Variants in JHY observed in about 807,000 individuals in gnomAD.
JHY encodes junctional cadherin complex regulator.
A neutral mutation model predicts 78.0 loss-of-function variants in JHY; 69 were observed. The observed-to-expected ratio is 0.88, with a 90% CI of 0.73 to 1.08. JHY has a LOEUF of 1.08. Among genes scored for constraint, JHY ranks in the 50% least tolerant of loss-of-function variants. The pLI is 0.00. For synonymous variants in JHY, 368 were observed against 342.6 expected, an observed-to-expected ratio of 1.07 and a Z score of -0.82; for missense variants, 944 against 927.8, an observed-to-expected ratio of 1.02 and a Z score of -0.23.
intron 3 of JHY, among the ~76,000 whole-genome samples, 170 bp from the exon 4 acceptor site, chr11:122,924,727 T>G (rs1167914384): frequency 6.6e-6 from 1 of 152,140 alleles, no homozygotes; most frequent in Non-Finnish European, 1.5e-5. Context: ...ATTCCCATTC[T>G]CCTTAAGAAC....
In JHY at chr11:122,962,620, T is replaced by G. The variant is rs1275158929; in HGVS notation, c.*3175T>G. On this transcript the variant is annotated 3_prime_UTR_variant, in exon 9 of 9. Transcript: ENST00000227349. ...AGAATGAATAACCTTCATTAATTGT[T>G]TCCGAAATGGCCTTAAATTCGAACT... is the stretch of plus-strand genomic sequence containing the variant. Among the ~76,000 whole-genome samples the G allele has an allele frequency of 6.6e-6, 1 of 152,202 alleles. No individual in the cohort carries two copies. The highest frequency in any genetic ancestry group is 1.5e-5 in the Non-Finnish European group (1 of 68,028).
At chr11:122,929,678 A>G (rs1480200098) in intron 4 of JHY, among the ~76,000 whole-genome samples, 2 of 152,330 alleles carry the variant, frequency 1.3e-5, no homozygotes, top group Non-Finnish European at 2.9e-5. Context: ...AGGCTCCATG[A>G]CTTGAAAAGA....
chr11:122,953,501 C>G (rs982999553), intron 6 of JHY, among the ~76,000 whole-genome samples: 1 of 150,724 alleles, frequency 6.6e-6, no homozygotes, highest in African/African-American at 2.4e-5. Flanking sequence ...ACTTGGGAGG[C>G]TGAGGCAGGA....
In JHY at chr11:122,935,010, C is replaced by A; in HGVS notation, c.1569C>A (p.Thr523=). The change falls in exon 5 of 9, where the codon ACC becomes ACA. Residue 523 remains threonine, a synonymous_variant. Coordinates refer to ENST00000227349, the MANE Select transcript of JHY (RefSeq NM_024806.4). This position sits in a 1 kb window ranked among gnomAD's most constrained non-coding sequence, Gnocchi z 4.5. The part of the protein sequence containing the change: ...FVYHINTHGS[T]KNKKQLKQPY... The stretch of plus-strand genomic sequence containing the variant: ...ATCACATAAATACTCATGGATCAAC[C>A]AAAAATAAGAAACAACTCAAACAGC... The A allele has an allele frequency of 6.2e-7, 1 of 1,608,718 alleles. No homozygotes were observed. The highest frequency in any genetic ancestry group is 1.7e-5 in the Admixed American group (1 of 58,354).
intron 4 of JHY, among the ~76,000 whole-genome samples, chr11:122,932,736 T>TTA (rs896655029): frequency 6.6e-6 from 1 of 152,208 alleles, no homozygotes; most frequent in African/African-American, 2.4e-5. Context: ...AATATAGCAA[T>TTA]TATTTTCTGG....
chr11:122,959,525 T>C lies in JHY; in HGVS notation c.*80T>C, dbSNP rs908569906. ...AGAAACGCCAACCACCTTCTCTGCG[T>C]TGAGAGTAATGGCCTATTATTATCA... On this transcript the variant is annotated 3_prime_UTR_variant, in exon 9 of 9. Coordinates refer to ENST00000227349, the MANE Select transcript of JHY (RefSeq NM_024806.4). The C allele has an allele frequency of 1.5e-6, 2 of 1,316,804 alleles. No homozygotes were observed. Among genetic ancestry groups the C allele is most frequent in the Non-Finnish European group, 2.1e-6 (2 of 936,484 alleles). 81.6% of individuals were successfully genotyped at this position (1,316,804 alleles called of 1,614,324 possible).
chr11:122,935,041 A>G lies in JHY; in HGVS notation c.1600A>G (p.Thr534Ala), dbSNP rs1274581538. Reference protein sequence around the residue: ...KNKKQLKQPYTETKYRNLEML... With the variant: ...KNKKQLKQPYAETKYRNLEML... ...TAAGAAACAACTCAAACAGCCTTAT[A>G]CAGAGACAAAATACAGGAACTTAGA... The change falls in exon 5 of 9, where the codon ACA (threonine) becomes GCA (alanine). Residue 534 changes from threonine (T) to alanine (A), a missense_variant. Coordinates refer to ENST00000227349, the MANE Select transcript of JHY (RefSeq NM_024806.4). The surrounding 1 kb of genome is among the most constrained non-coding windows in gnomAD (Gnocchi z 4.5). 1.3e-6 allele frequency: 2 copies of G among 1,587,190 alleles called. No homozygotes were observed. The highest frequency in any genetic ancestry group is 1.7e-6 in the Non-Finnish European group (2 of 1,170,372).
chr11:122,942,709 C>T (rs1248911050), intron 5 of JHY, among the ~76,000 whole-genome samples: 1 of 152,162 alleles, frequency 6.6e-6, no homozygotes, highest in African/African-American at 2.4e-5. Flanking sequence ...CAGGCATGAG[C>T]CAACGTGCCC....
chr11:122,889,895 G>A (rs1862573354), intron 2 of JHY, among the ~76,000 whole-genome samples: 1 of 151,982 alleles, frequency 6.6e-6, no homozygotes, highest in Non-Finnish European at 1.5e-5. Context: ...AGTAGCGTGC[G>A]CCACAATGCT....
intron 3 of JHY, among the ~76,000 whole-genome samples, chr11:122,909,532 C>A (rs1863069489): frequency 6.6e-6 from 1 of 152,168 alleles, no homozygotes; most frequent in African/African-American, 2.4e-5. Context: ...GTAAACTCAG[C>A]ATTTTGGGAG....
intron 3 of JHY, among the ~76,000 whole-genome samples, chr11:122,919,342 G>A (rs545021885): frequency 5.4e-5 from 6 of 111,542 alleles, no homozygotes; most frequent in East Asian, 2.9e-4. Flanking sequence ...AACAGAGAGA[G>A]ACTCTGTCTC....
rs1164202928 is a variant in JHY at position 122,907,826 on chromosome 11, T to C, written c.864+3382T>C. 3.8e-5 allele frequency among the ~76,000 whole-genome samples: 5 copies of C among 133,258 alleles called. No individual in the cohort carries two copies. The South Asian group carries it at 7.7e-4, about 21-fold the overall frequency. 87.4% of individuals were successfully genotyped at this position (133,258 alleles called of 152,430 possible). ...CCAGCCTGGGCAACAAGAGTGAAAC[T>C]CTATCTCAAAAAAAAAAAAAAAAAA... On this transcript the variant is annotated intron_variant, in intron 3 of 8. Transcript: ENST00000227349.
At chr11:122,937,337 A>G (rs1475751708) in intron 5 of JHY, among the ~76,000 whole-genome samples, 10 of 148,878 alleles carry the variant, frequency 6.7e-5, no homozygotes, top group Admixed American at 6.1e-4. Flanking sequence ...TCCTACGCTT[A>G]TGAGTAGCCT....
intron 3 of JHY, among the ~76,000 whole-genome samples, chr11:122,910,543 T>C (rs1465055566): frequency 2.0e-5 from 3 of 151,572 alleles, no homozygotes; most frequent in African/African-American, 4.8e-5. Context: ...GCATAAGAAA[T>C]TGTGGACGGC....
chr11:122,916,412 T>A (rs1038281230), intron 3 of JHY, among the ~76,000 whole-genome samples: 1 of 152,180 alleles, frequency 6.6e-6, no homozygotes, highest in Non-Finnish European at 1.5e-5. Flanking sequence ...TATATAAATA[T>A]ACACTAATTC....
chr11:122,929,438 C>A (rs189188213), intron 4 of JHY, among the ~76,000 whole-genome samples: 1 of 152,122 alleles, frequency 6.6e-6, no homozygotes, highest in Admixed American at 6.5e-5. Context: ...CCTAGAAGGA[C>A]AAATCCGGGC....
chr11:122,899,613 A>G (rs1028815186), intron 2 of JHY, among the ~76,000 whole-genome samples: 1 of 152,258 alleles, frequency 6.6e-6, no homozygotes, highest in Non-Finnish European at 1.5e-5. Flanking sequence ...ACAGTGCAGC[A>G]TACTAGGGCA....
At chr11:122,900,497 T>C (rs1011673733) in intron 2 of JHY, among the ~76,000 whole-genome samples, 2 of 137,302 alleles carry the variant, frequency 1.5e-5, no homozygotes, top group Non-Finnish European at 3.1e-5. Flanking sequence ...CCATTAAATA[T>C]GCCATACTAC....
intron 5 of JHY, among the ~76,000 whole-genome samples, chr11:122,936,216 A>G (rs1259964373): frequency 6.6e-6 from 1 of 152,218 alleles, no homozygotes; most frequent in Non-Finnish European, 1.5e-5. Flanking sequence ...ATATAATGCT[A>G]CAGTGCTAAA....
Sources: gnomAD v4.1 joint callset for allele counts (sites outside exome capture counted in the v4.1 genomes callset) on GRCh38, gnomAD v4.1.1 for gene constraint, Gnocchi (gnomAD v3.1) non-coding constraint, MANE v1.5 for transcripts, NCBI Gene and HGNC (gene_info 2026-07-23, HGNC 2026-07-21) for gene names.